CDK8: variants seen among roughly 807,000 people sequenced by gnomAD.
The protein encoded by CDK8 is cyclin dependent kinase 8.
Under a neutral mutation model 71.5 loss-of-function variants are expected in CDK8, and 29 were observed. That is an observed-to-expected ratio of 0.41 (90% CI 0.30 to 0.55). The LOEUF is 0.55. CDK8 is among the 20% of genes least tolerant of loss of function. The pLI is 0.37. For synonymous variants in CDK8, 161 were observed against 192.1 expected (o/e 0.84, Z 1.34); for missense variants, 288 against 572.6 (o/e 0.50, Z 5.07).
intron 3 of CDK8, among the ~76,000 whole-genome samples, chr13:26,351,928 T>C (rs190567997): frequency 3.9e-3 from 590 of 152,194 alleles, no homozygotes; most frequent in Non-Finnish European, 6.8e-3. Context: ...ATATTTTGCA[T>C]TTGTTATGTA....
intron 12 of CDK8, among the ~76,000 whole-genome samples, chr13:26,402,105 T>A (rs991243783): frequency 1.3e-5 from 2 of 152,250 alleles, no homozygotes; most frequent in African/African-American, 4.8e-5. Flanking sequence ...GTTCTCAGTT[T>A]CCATTTGTAG....
Position 26,361,784 on chromosome 13 carries a change from C to CTTTTTTTTTTTT in CDK8, c.456+7922_456+7933dup, listed in dbSNP as rs553508554. Reference sequence around the variant, plus strand: ...TCTTTTTGTCTTTCTTTTCTTTTCCCTTTTTTTTTTTTTTTTTTTTTTTTT... The same window carrying CTTTTTTTTTTTT: ...TCTTTTTGTCTTTCTTTTCTTTTCCCTTTTTTTTTTTTTTTTTTTTTTTTTTTTTTTTTTTTT... On this transcript the variant is annotated intron_variant, in intron 4 of 12. Transcript: ENST00000381527. 5.2e-4 allele frequency among the ~76,000 whole-genome samples: 33 copies of CTTTTTTTTTTTT among 63,348 alleles called. 2 individuals carry two copies. The highest frequency in any genetic ancestry group is 1.8e-3 in the African/African-American group (25 of 14,238). 41.6% of individuals were successfully genotyped at this position (63,348 alleles called of 152,430 possible).
intron 2 of CDK8, among the ~76,000 whole-genome samples, 180 bp downstream of exon 2, chr13:26,337,822 T>C (rs529677047): frequency 2.6e-4 from 39 of 152,224 alleles, no homozygotes; most frequent in Middle Eastern, 3.4e-3. Context: ...TCTGTCTATA[T>C]AAACTCTTTA....
chr13:26,319,166 G>A (rs1468794039), intron 1 of CDK8, among the ~76,000 whole-genome samples: 1 of 152,074 alleles, frequency 6.6e-6, no homozygotes, highest in Non-Finnish European at 1.5e-5. Context: ...ATTTATAATA[G>A]CATCAAAAAG....
At chr13:26,330,150 C>T (rs1875241403) in intron 1 of CDK8, among the ~76,000 whole-genome samples, 1 of 152,168 alleles carries the variant, frequency 6.6e-6, no homozygotes, top group Non-Finnish European at 1.5e-5. Flanking sequence ...CATCCGACTA[C>T]AGTACTTTTT....
chr13:26,394,563 G>T (rs1250100236), intron 7 of CDK8, among the ~76,000 whole-genome samples: 1 of 152,174 alleles, frequency 6.6e-6, no homozygotes, highest in African/African-American at 2.4e-5. Context: ...TTAAAAAGTA[G>T]GTATGGTTTT....
chr13:26,354,820 T>C (rs1342964800), intron 4 of CDK8, among the ~76,000 whole-genome samples: 1 of 152,204 alleles, frequency 6.6e-6, no homozygotes, highest in African/African-American at 2.4e-5. Flanking sequence ...GTCTAGCATA[T>C]TATTATTCAT....
At position 26,339,196 on chromosome 13, in the gene CDK8, C is replaced by A. The variant is rs539411770; in HGVS notation, c.204+1554C>A. On this transcript the variant is annotated intron_variant, in intron 2 of 12. Transcript: ENST00000381527. ...TGTATGTGGCTGAAGAAATCTGTAC[C>A]CACTGATTGTGAAAATATTTCCCAA... is the stretch of plus-strand genomic sequence containing the variant. Among the ~76,000 whole-genome samples, 9 of 151,938 alleles carry A rather than the reference C, an allele frequency of 5.9e-5. No individual in the cohort carries two copies. The East Asian group carries it at 1.7e-3, about 29-fold the overall frequency.
At position 26,404,117 on chromosome 13, in the gene CDK8, T is replaced by A; in HGVS notation, c.*36T>A. ...AATCTTGTCCATGCACTGTTGCGAA[T>A]GCTGCAGGGCTGACTGTGCAGCTCT... On this transcript the variant is annotated 3_prime_UTR_variant, in exon 13 of 13. Coordinates refer to ENST00000381527, the MANE Select transcript of CDK8 (RefSeq NM_001260.3). 6.2e-7 allele frequency: 1 copy of A among 1,611,588 alleles called. No homozygotes were observed. Among genetic ancestry groups the A allele is most frequent in the Non-Finnish European group, 8.5e-7 (1 of 1,178,692 alleles).
At chr13:26,351,205 A>T (rs1246755291) in intron 3 of CDK8, among the ~76,000 whole-genome samples, 3 of 152,160 alleles carry the variant, frequency 2.0e-5, no homozygotes, top group Non-Finnish European at 4.4e-5. Flanking sequence ...GATATTTAAT[A>T]ATGTCTTTAA....
intron 1 of CDK8, among the ~76,000 whole-genome samples, chr13:26,324,240 A>C (rs17083790): frequency 0.033 from 1,025 of 30,704 alleles, 16 homozygotes; most frequent in African/African-American, 0.13. Context: ...TGGTGCAATA[A>C]AGACTCTCCA....
At chr13:26,326,725 T>G (rs1334272263) in intron 1 of CDK8, among the ~76,000 whole-genome samples, 1 of 152,162 alleles carries the variant, frequency 6.6e-6, no homozygotes, top group Non-Finnish European at 1.5e-5. Flanking sequence ...ACTGCTGCAT[T>G]AGTTGTTAAC....
intron 1 of CDK8, among the ~76,000 whole-genome samples, chr13:26,263,312 T>C (rs937311596): frequency 6.6e-6 from 1 of 151,948 alleles, no homozygotes; most frequent in African/African-American, 2.4e-5. Context: ...GTTTTTTATA[T>C]TTTTAGTAGA....
chr13:26,281,396 G>T (rs1368170939), intron 1 of CDK8, among the ~76,000 whole-genome samples: 7 of 152,206 alleles, frequency 4.6e-5, no homozygotes, highest in East Asian at 3.8e-4. Context: ...AACAATCACT[G>T]CAGTGTGGCT....
chr13:26,367,262 G>A (rs543595409), intron 4 of CDK8, among the ~76,000 whole-genome samples: 35 of 152,138 alleles, frequency 2.3e-4, no homozygotes, highest in Non-Finnish European at 4.1e-4. Context: ...GGCTAAGGGA[G>A]ATCCAAAAAT....
chr13:26,400,107 T>A (rs1298090530), intron 9 of CDK8: 1 of 239,378 alleles, frequency 4.2e-6, no homozygotes, highest in Non-Finnish European at 8.2e-6. Flanking sequence ...GTATTATATG[T>A]GTAACAACAG....
At chr13:26,326,238 C>G (rs1875011922) in intron 1 of CDK8, among the ~76,000 whole-genome samples, 2 of 152,018 alleles carry the variant, frequency 1.3e-5, no homozygotes, top group Non-Finnish European at 2.9e-5. Context: ...CTGAGTTGCA[C>G]CCAAAAGAAA....
intron 1 of CDK8, among the ~76,000 whole-genome samples, chr13:26,282,186 T>G (rs1013035669): frequency 2.6e-5 from 4 of 152,102 alleles, no homozygotes; most frequent in African/African-American, 4.8e-5. Context: ...TCACAAGAGA[T>G]CTAGGTATCC....
intron 1 of CDK8, among the ~76,000 whole-genome samples, chr13:26,288,462 A>G (rs866179544): frequency 2.0e-5 from 3 of 152,058 alleles, no homozygotes; most frequent in Non-Finnish European, 4.4e-5. Context: ...ATAGCCTTGT[A>G]ATAATTCTAA....
Sources: gnomAD v4.1 joint callset for allele counts (sites outside exome capture counted in the v4.1 genomes callset) on GRCh38, gnomAD v4.1.1 for gene constraint, MANE v1.5 for transcripts, NCBI Gene and HGNC (gene_info 2026-07-23, HGNC 2026-07-21) for gene names.